The following NCKAP5 variants were observed in gnomAD, a reference collection of about 807,000 sequenced individuals.
NCKAP5 encodes NCK associated protein 5, also known as nck-associated protein 5.
A neutral mutation model predicts 167.0 loss-of-function variants in NCKAP5; 92 were observed. The ratio of observed to expected loss-of-function variants is 0.55; its 90% CI spans 0.47 to 0.66. NCKAP5 has a LOEUF of 0.66. Among genes scored for constraint, NCKAP5 ranks in the 30% least tolerant of loss-of-function variants. The pLI is 0.00. For synonymous variants in NCKAP5, 891 were observed against 877.4 expected, an observed-to-expected ratio of 1.02 and a Z score of -0.27; for missense variants, 2,378 against 2,315.0, an observed-to-expected ratio of 1.03 and a Z score of -0.56.
chr2:132,706,255 G>A (rs1688351400), intron 19 of NCKAP5, among the ~76,000 whole-genome samples: 1 of 152,126 alleles, frequency 6.6e-6, no homozygotes, highest in Non-Finnish European at 1.5e-5. Flanking sequence ...TAAGATGGAT[G>A]ATACTGAAGC....
intron 8 of NCKAP5, among the ~76,000 whole-genome samples, chr2:132,927,763 T>TAAA (rs773380313): frequency 1.3e-5 from 2 of 151,998 alleles, no homozygotes; most frequent in African/African-American, 2.4e-5. Flanking sequence ...AATCTAAGAG[T>TAAA]TTTTGGAGAC....
intron 4 of NCKAP5, among the ~76,000 whole-genome samples, chr2:133,233,686 A>C (rs969388703): frequency 2.0e-5 from 3 of 152,184 alleles, no homozygotes; most frequent in Non-Finnish European, 4.4e-5. Flanking sequence ...AATACCTTCA[A>C]CATAATTAGC....
intron 11 of NCKAP5, among the ~76,000 whole-genome samples, chr2:132,852,253 T>C (rs898969096): frequency 6.6e-6 from 1 of 152,194 alleles, no homozygotes; most frequent in Non-Finnish European, 1.5e-5. Context: ...TGAAATATGA[T>C]AAAAATATAT....
At chr2:133,632,597 A>G in the NCKAP5 span, among the ~76,000 whole-genome samples, 1 of 152,214 alleles carries the variant, frequency 6.6e-6, no homozygotes, top group Non-Finnish European at 1.5e-5. Flanking sequence ...GTCTCTCAGC[A>G]TAGTGCACAG....
At chr2:132,717,974 T>A (rs563380280) in intron 19 of NCKAP5, among the ~76,000 whole-genome samples, 1 of 152,326 alleles carries the variant, frequency 6.6e-6, no homozygotes, top group South Asian at 2.1e-4. Context: ...GAGATGTACA[T>A]AATTTTATAA....
chr2:133,208,868 C>T (rs62178455), intron 5 of NCKAP5, among the ~76,000 whole-genome samples: 5,484 of 152,000 alleles, frequency 0.036, 155 homozygotes, highest in South Asian at 0.061. Flanking sequence ...GACTAGTTTG[C>T]GTAACAGAAC....
At chr2:133,236,230 CAT>C (rs2087413929) in intron 4 of NCKAP5, among the ~76,000 whole-genome samples, 2 of 151,936 alleles carry the variant, frequency 1.3e-5, no homozygotes, top group South Asian at 4.1e-4. Flanking sequence ...TAAGCAGAAA[CAT>C]ACATAAAACA....
intron 3 of NCKAP5, among the ~76,000 whole-genome samples, chr2:133,471,550 C>G (rs901972843): frequency 6.6e-6 from 1 of 152,052 alleles, no homozygotes; most frequent in Admixed American, 6.6e-5. Flanking sequence ...GGGAAGCAAG[C>G]AGGCAGAGGG....
intron 19 of NCKAP5, among the ~76,000 whole-genome samples, chr2:132,716,121 AC>A (rs1263310967): frequency 6.6e-6 from 1 of 152,040 alleles, no homozygotes; most frequent in African/African-American, 2.4e-5. Context: ...GCTGAATGTC[AC>A]CTGGGGGATG....
At chr2:133,466,635 C>T (rs1193056783) in intron 3 of NCKAP5, among the ~76,000 whole-genome samples, 6 of 152,152 alleles carry the variant, frequency 3.9e-5, no homozygotes, top group South Asian at 2.1e-4. Flanking sequence ...ATTCTTCCTA[C>T]CCATGAGCAT....
At chr2:133,250,584 T>C (rs1419091481) in intron 4 of NCKAP5, among the ~76,000 whole-genome samples, 1 of 152,240 alleles carries the variant, frequency 6.6e-6, no homozygotes, top group East Asian at 1.9e-4. Flanking sequence ...CCTGCTATTT[T>C]CTCAGTGGAA....
intron 4 of NCKAP5, among the ~76,000 whole-genome samples, chr2:133,302,457 A>G (rs1306116766): frequency 5.3e-4 from 16 of 30,414 alleles, no homozygotes; most frequent in African/African-American, 1.8e-3. Context: ...AGCCATAAAA[A>G]ATGATGAGTT....
At chr2:133,144,982 G>A (rs1165031766) in intron 5 of NCKAP5, among the ~76,000 whole-genome samples, 5 of 152,034 alleles carry the variant, frequency 3.3e-5, no homozygotes, top group Non-Finnish European at 5.9e-5. Flanking sequence ...TATACATACA[G>A]GTAGATGATA....
intron 6 of NCKAP5, among the ~76,000 whole-genome samples, chr2:133,087,212 ATT>A (rs2081022890): frequency 6.6e-6 from 1 of 152,162 alleles, no homozygotes; most frequent in Non-Finnish European, 1.5e-5. Context: ...ATTTACTTGC[ATT>A]TACTCTTTGT....
chr2:133,075,943 C>A (rs934853072), intron 6 of NCKAP5, among the ~76,000 whole-genome samples: 1 of 152,000 alleles, frequency 6.6e-6, no homozygotes, highest in African/African-American at 2.4e-5. Flanking sequence ...CAAGACACAA[C>A]TGTAAGTCGG....
At chr2:133,145,018 G>A (rs1403332795) in intron 5 of NCKAP5, among the ~76,000 whole-genome samples, 1 of 152,052 alleles carries the variant, frequency 6.6e-6, no homozygotes, top group Non-Finnish European at 1.5e-5. Flanking sequence ...TTAACATTTT[G>A]TTCTTTTCTA....
chr2:133,215,839 G>C (rs1292296596), intron 4 of NCKAP5, among the ~76,000 whole-genome samples: 1 of 152,072 alleles, frequency 6.6e-6, no homozygotes, highest in Non-Finnish European at 1.5e-5. Flanking sequence ...GGGTAAAACT[G>C]TCTCTATTTA....
chr2:133,535,416 C>T (rs1027596158), intron 2 of NCKAP5, among the ~76,000 whole-genome samples: 11 of 152,024 alleles, frequency 7.2e-5, no homozygotes, highest in African/African-American at 1.2e-4. Context: ...TGAGTTATTT[C>T]ACTTAGGGTA....
chr2:133,033,465 A>G (rs1328538730), intron 6 of NCKAP5, among the ~76,000 whole-genome samples: 3 of 152,198 alleles, frequency 2.0e-5, no homozygotes, highest in Admixed American at 1.3e-4. Context: ...AAGAACACCT[A>G]GTAGGATCAA....
Sources: allele counts gnomAD v4.1 joint callset (sites outside exome capture counted in the v4.1 genomes callset), GRCh38; gene constraint gnomAD v4.1.1; transcripts MANE v1.5; gene names NCBI Gene and HGNC (gene_info 2026-07-23, HGNC 2026-07-21).